The following ERG variants were observed in gnomAD, a reference collection of about 807,000 sequenced individuals.
ERG encodes the protein transcriptional regulator ERG.
ERG carries 9 observed loss-of-function variants against 55.3 expected under a neutral mutation model. The observed-to-expected ratio is 0.16, with a 90% CI of 0.10 to 0.28. The LOEUF is 0.28. Among genes scored for constraint, ERG ranks in the 10% least tolerant of loss-of-function variants. The pLI is 1.00. For synonymous variants in ERG, 223 were observed against 237.3 expected, an observed-to-expected ratio of 0.94 and a Z score of 0.55; for missense variants, 434 against 631.6, an observed-to-expected ratio of 0.69 and a Z score of 3.35.
At chr21:38,467,395 G>A (rs181256416) in intron 1 of ERG, among the ~76,000 whole-genome samples, 72 of 152,276 alleles carry the variant, frequency 4.7e-4, no homozygotes, top group Admixed American at 4.6e-3. Flanking sequence ...AAAAAAGCAG[G>A]TGGAAACCAA....
chr21:38,653,210 T>C lies in ERG; in HGVS notation c.-150+8448A>G, dbSNP rs150406140. 5.3e-5 allele frequency among the ~76,000 whole-genome samples: 8 copies of C among 152,352 alleles called. No individual in the cohort carries two copies. The East Asian group carries it at 5.8e-4, about 11-fold the overall frequency. On this transcript the variant is annotated intron_variant, in intron 1 of 10. Coordinates refer to the ERG transcript ENST00000398910. ...CTGGATTTTGCCTCCCTGAAGGCAC[T>C]GTGCAAGTCTTCTGCATAGTGTCTT... is the stretch of plus-strand genomic sequence containing the variant.
At chr21:38,448,461 T>C (rs2146564019) in intron 1 of ERG, among the ~76,000 whole-genome samples, 1 of 152,274 alleles carries the variant, frequency 6.6e-6, no homozygotes, top group Admixed American at 6.5e-5. Flanking sequence ...AGTCCACATT[T>C]TGAAAAGACA....
intron 1 of ERG, among the ~76,000 whole-genome samples, chr21:38,608,364 G>T (rs983445471): frequency 3.3e-5 from 5 of 152,074 alleles, no homozygotes; most frequent in African/African-American, 1.2e-4. Context: ...ATTTATTAGG[G>T]ATAAAGATGA....
chr21:38,431,694 T>C (rs1426297251), intron 2 of ERG, among the ~76,000 whole-genome samples: 3 of 152,194 alleles, frequency 2.0e-5, no homozygotes, highest in Admixed American at 1.3e-4. Flanking sequence ...ATAAGCTACA[T>C]ACAAACCAGT....
rs557419877 is a variant in ERG at position 38,392,382 on chromosome 21, A to T, written c.808T>A (p.Ser270Thr). 11 of 1,565,810 alleles carry T rather than the reference A, an allele frequency of 7.0e-6. No individual in the cohort carries two copies. The East Asian group carries it at 1.7e-4, about 24-fold the overall frequency. The change falls in exon 7 of 10, where the codon TCG becomes ACG. Residue 270 changes from serine to threonine, a missense_variant. Around this residue, in one of 5 missense-constraint regions of ERG, gnomAD observed 99 missense variants for 145.6 expected, o/e 0.68. Coordinates refer to ENST00000288319, the MANE Select transcript of ERG (RefSeq NM_182918.4). ...WTGHGHPTPQ[S>T]KAAQPSPSTV... The stretch of plus-strand genomic sequence containing the variant: ...ATGGGAGCCAACACTGTACCTTTCG[A>T]CTGGGGCGTGGGGTGGCCGTGACCG...
At chr21:38,583,624 A>AC (rs1262628127) in intron 1 of ERG, among the ~76,000 whole-genome samples, 6 of 152,136 alleles carry the variant, frequency 3.9e-5, no homozygotes, top group Admixed American at 3.9e-4. Context: ...TGGAGTACTA[A>AC]CCCCCGGTCC....
chr21:38,394,940 A>C (rs1044752503), intron 6 of ERG, among the ~76,000 whole-genome samples: 1 of 152,198 alleles, frequency 6.6e-6, no homozygotes, highest in African/African-American at 2.4e-5. Flanking sequence ...ACTGGGAAAA[A>C]AAATAAATGC....
rs1555876063 is a variant in ERG at position 38,627,943 on chromosome 21, C to CCTTT, written c.-150+33714_-150+33715insAAAG. Among the ~76,000 whole-genome samples the CCTTT allele has an allele frequency of 7.8e-4, 111 of 142,650 alleles. 1 individual carries two copies. The highest frequency in any genetic ancestry group is 6.1e-4 in the East Asian group (3 of 4,914). 93.6% of individuals were successfully genotyped at this position (142,650 alleles called of 152,430 possible). A position where few individuals can be genotyped will look rare whatever the true frequency, so the allele number is the denominator to read the frequency against. ...GAGAAATGACAAGGAGTTTTCTCTT[C>CCTTT]TTTTTTTTTTTTTTGTGAAACAGGG... On this transcript the variant is annotated intron_variant, in intron 1 of 10. Coordinates refer to the ERG transcript ENST00000398910.
At chr21:38,385,757 T>C (rs1245765683) in intron 9 of ERG, among the ~76,000 whole-genome samples, 3 of 152,178 alleles carry the variant, frequency 2.0e-5, no homozygotes, top group Non-Finnish European at 4.4e-5. Flanking sequence ...TTAATATGCA[T>C]TTAGAAAATA....
At chr21:38,468,274 G>A (rs1032965222) in intron 1 of ERG, among the ~76,000 whole-genome samples, 1 of 152,114 alleles carries the variant, frequency 6.6e-6, no homozygotes, top group Non-Finnish European at 1.5e-5. Context: ...CTCCTGTTGG[G>A]CTGCTACCAG....
chr21:38,400,631 T>G lies in ERG; in HGVS notation c.688A>C (p.Ile230Leu). 1 of 1,604,958 alleles carries G rather than the reference T, an allele frequency of 6.2e-7. No individual in the cohort carries two copies. The highest frequency in any genetic ancestry group is 1.7e-4 in the Middle Eastern group (1 of 5,948). ...HARNTGGAAF[I>L]FPNTSVYPEA... is the part of the protein sequence containing the mutation. ...GGATATACTGAAGTATTTGGGAAAA[T>G]AAAAGCTGCACCCCCTGCAGACAAA... Residue 230 changes from isoleucine (I) to leucine (L), a missense_variant, in exon 6 of 10, where the codon ATT (isoleucine) becomes CTT (leucine). Transcript: ENST00000288319.
intron 6 of ERG, chr21:38,400,141 A>T (rs184109916): frequency 2.6e-6 from 1 of 381,570 alleles, no homozygotes; most frequent in African/African-American, 2.0e-5. Context: ...TAAGATTCAG[A>T]TGTAAATACT....
At chr21:38,457,136 T>C (rs2058997379) in intron 1 of ERG, among the ~76,000 whole-genome samples, 1 of 152,176 alleles carries the variant, frequency 6.6e-6, no homozygotes, top group Non-Finnish European at 1.5e-5. Flanking sequence ...TATAAATATG[T>C]CTACTTTGAA....
intron 1 of ERG, among the ~76,000 whole-genome samples, chr21:38,648,520 C>T (rs2060470419): frequency 6.6e-6 from 1 of 152,190 alleles, no homozygotes; most frequent in African/African-American, 2.4e-5. Context: ...CAGATGAGGG[C>T]AGGCTTATGA....
intron 1 of ERG, among the ~76,000 whole-genome samples, chr21:38,603,973 G>A (rs2146915348): frequency 6.6e-6 from 1 of 152,180 alleles, no homozygotes; most frequent in Non-Finnish European, 1.5e-5. Flanking sequence ...TTTTGGCCGG[G>A]CGCGGTGGCT....
At chr21:38,603,547 C>G (rs1205416641) in intron 1 of ERG, among the ~76,000 whole-genome samples, 1 of 151,982 alleles carries the variant, frequency 6.6e-6, no homozygotes, top group Non-Finnish European at 1.5e-5. Flanking sequence ...AGGACTTCCA[C>G]CTGTGAAAAG....
chr21:38,504,049 G>C (rs2059442027), intron 2 of ERG, among the ~76,000 whole-genome samples: 1 of 152,072 alleles, frequency 6.6e-6, no homozygotes, highest in South Asian at 2.1e-4. Flanking sequence ...TGGGGGGGTA[G>C]GGGAGTGCCA....
intron 1 of ERG, among the ~76,000 whole-genome samples, chr21:38,628,692 C>T (rs1262418630): frequency 6.6e-6 from 1 of 152,210 alleles, no homozygotes; most frequent in Admixed American, 6.5e-5. Context: ...CATGCCCCCA[C>T]TTCTCTCATG....
chr21:38,516,080 G>A (rs1344725397), intron 2 of ERG, among the ~76,000 whole-genome samples: 1 of 151,992 alleles, frequency 6.6e-6, no homozygotes, highest in Non-Finnish European at 1.5e-5. Context: ...AACAAGACAA[G>A]GATTCTCATT....
Sources: allele counts gnomAD v4.1 joint callset (sites outside exome capture counted in the v4.1 genomes callset), GRCh38; gene constraint gnomAD v4.1.1; regional missense constraint gnomAD v4.1.1; transcripts MANE v1.5; gene names NCBI Gene and HGNC (gene_info 2026-07-23, HGNC 2026-07-21).